NKAIN2: variants seen among roughly 807,000 people sequenced by gnomAD.
The protein encoded by NKAIN2 is sodium/potassium transporting ATPase interacting 2.
Under a neutral mutation model 32.6 loss-of-function variants are expected in NKAIN2, and 14 were observed. The ratio of observed to expected loss-of-function variants is 0.43; its 90% confidence interval spans 0.28 to 0.67. NKAIN2 has a LOEUF of 0.67. NKAIN2 is among the 30% of genes least tolerant of loss of function. The probability of loss-of-function intolerance (pLI) is 0.17; values close to 1 mark genes in which losing one functional copy is unlikely to be tolerated. For synonymous variants in NKAIN2, 80 were observed against 87.2 expected, an observed-to-expected ratio of 0.92 and a Z score of 0.46; for missense variants, 198 against 258.3, an observed-to-expected ratio of 0.77 and a Z score of 1.60.
At chr6:124,073,336 G>A (rs947579192) in intron 1 of NKAIN2, among the ~76,000 whole-genome samples, 5 of 152,220 alleles carry the variant, frequency 3.3e-5, no homozygotes, top group African/African-American at 1.2e-4. Flanking sequence ...AGCCTTATAC[G>A]TGGCCAAAGT....
intron 1 of NKAIN2, among the ~76,000 whole-genome samples, chr6:123,805,416 T>TTA (rs1433643598): frequency 6.6e-6 from 1 of 152,214 alleles, no homozygotes; most frequent in Non-Finnish European, 1.5e-5. Flanking sequence ...TGCTGCTTTG[T>TTA]TTAATATTTA....
At chr6:124,293,987 G>A (rs1795935992) in intron 2 of NKAIN2, among the ~76,000 whole-genome samples, 1 of 152,074 alleles carries the variant, frequency 6.6e-6, no homozygotes, top group Non-Finnish European at 1.5e-5. Flanking sequence ...GAGTTTCTTA[G>A]TATAATGTCT....
intron 2 of NKAIN2, among the ~76,000 whole-genome samples, chr6:124,331,414 A>AACT (rs1357268641): frequency 1.4e-5 from 2 of 148,018 alleles, no homozygotes; most frequent in African/African-American, 5.0e-5. Context: ...CTGTAGTCCC[A>AACT]ACTACACGGG....
chr6:124,217,858 G>A (rs1791570292), intron 1 of NKAIN2, among the ~76,000 whole-genome samples: 1 of 151,584 alleles, frequency 6.6e-6, no homozygotes, highest in South Asian at 2.1e-4. Flanking sequence ...CACACACAAA[G>A]CTCAAATATT....
intron 5 of NKAIN2, among the ~76,000 whole-genome samples, chr6:124,801,536 A>G (rs182564650): frequency 2.0e-5 from 3 of 152,342 alleles, no homozygotes; most frequent in African/African-American, 4.8e-5. Context: ...TACCTGAGAG[A>G]GATTCTTGTA....
At chr6:124,076,630 A>G (rs1268714468) in intron 1 of NKAIN2, among the ~76,000 whole-genome samples, 5 of 152,234 alleles carry the variant, frequency 3.3e-5, no homozygotes, top group African/African-American at 1.2e-4. Flanking sequence ...GAAATAGCAG[A>G]GTTATCCTCC....
chr6:124,724,224 T>G (rs1324075532), intron 4 of NKAIN2, among the ~76,000 whole-genome samples: 2 of 151,916 alleles, frequency 1.3e-5, no homozygotes, highest in African/African-American at 2.4e-5. Flanking sequence ...TAAAATATAA[T>G]GAGTAATTTC....
At chr6:124,256,039 A>G (rs1353742354) in intron 1 of NKAIN2, among the ~76,000 whole-genome samples, 2 of 152,180 alleles carry the variant, frequency 1.3e-5, no homozygotes, top group Admixed American at 6.5e-5. Flanking sequence ...TAGACATCCA[A>G]TTAAATCACT....
chr6:124,063,338 A>G (rs1309116482), intron 1 of NKAIN2, among the ~76,000 whole-genome samples: 2 of 152,170 alleles, frequency 1.3e-5, no homozygotes, highest in African/African-American at 4.8e-5. Context: ...ACTATGTTTT[A>G]TGTCTTCCTT....
At chr6:123,839,303 T>G (rs546490576) in intron 1 of NKAIN2, among the ~76,000 whole-genome samples, 30 of 152,308 alleles carry the variant, frequency 2.0e-4, no homozygotes, top group African/African-American at 6.7e-4. Flanking sequence ...ATATAATTTT[T>G]AGTACTTTAA....
chr6:124,148,956 C>T (rs1001540173), intron 1 of NKAIN2, among the ~76,000 whole-genome samples: 2 of 152,078 alleles, frequency 1.3e-5, no homozygotes, highest in African/African-American at 4.8e-5. Context: ...TTCTCTATAC[C>T]CTCACCAACA....
At chr6:124,606,428 C>T (rs1375658748) in intron 3 of NKAIN2, among the ~76,000 whole-genome samples, 1 of 151,946 alleles carries the variant, frequency 6.6e-6, no homozygotes, top group Non-Finnish European at 1.5e-5. Context: ...TTAGTAATAT[C>T]TCAGTGCTAT....
intron 1 of NKAIN2, among the ~76,000 whole-genome samples, chr6:124,126,526 T>C (rs1161048534): frequency 1.3e-5 from 2 of 152,218 alleles, no homozygotes; most frequent in Non-Finnish European, 2.9e-5. Context: ...GAATTGTCCA[T>C]GGTCTTATTG....
chr6:124,435,755 A>G (rs556648707), intron 3 of NKAIN2, among the ~76,000 whole-genome samples: 5 of 152,278 alleles, frequency 3.3e-5, no homozygotes, highest in Admixed American at 2.6e-4. Flanking sequence ...TCAAAATAAT[A>G]ACAAAGTGTT....
chr6:124,447,858 G>A (rs1019586732), intron 3 of NKAIN2, among the ~76,000 whole-genome samples: 1 of 152,040 alleles, frequency 6.6e-6, no homozygotes. Flanking sequence ...ATATTAACAC[G>A]ATGGCCCTCT....
chr6:123,842,526 T>C (rs1430747273), intron 1 of NKAIN2, among the ~76,000 whole-genome samples: 2 of 152,248 alleles, frequency 1.3e-5, no homozygotes, highest in African/African-American at 4.8e-5. Flanking sequence ...CTTCAACATA[T>C]GAATCTTGAG....
chr6:123,984,422 A>G (rs1255861015), intron 1 of NKAIN2, among the ~76,000 whole-genome samples: 1 of 152,180 alleles, frequency 6.6e-6, no homozygotes, highest in East Asian at 1.9e-4. Context: ...CAACTTACAT[A>G]TGATTCTAAA....
chr6:124,358,661 T>A (rs1406541867), intron 3 of NKAIN2, among the ~76,000 whole-genome samples: 1 of 152,202 alleles, frequency 6.6e-6, no homozygotes. Context: ...CATTGTAGAT[T>A]CTGGATATTG....
At chr6:123,837,751 G>C (rs1774692438) in intron 1 of NKAIN2, among the ~76,000 whole-genome samples, 4 of 151,854 alleles carry the variant, frequency 2.6e-5, no homozygotes, top group African/African-American at 7.3e-5. Flanking sequence ...TCATTGTCTA[G>C]CTTAGTGTTG....
Sources: gnomAD v4.1 joint callset for allele counts (sites outside exome capture counted in the v4.1 genomes callset) on GRCh38, gnomAD v4.1.1 for gene constraint, MANE v1.5 for transcripts, NCBI Gene and HGNC (gene_info 2026-07-23, HGNC 2026-07-21) for gene names.